The following SLC47A2 variants were observed in gnomAD, a reference collection of about 807,000 sequenced individuals.
SLC47A2 encodes multidrug and toxin extrusion protein 2.
Under a neutral mutation model 67.7 loss-of-function variants are expected in SLC47A2, and 52 were observed. The observed-to-expected ratio is 0.77, with a 90% CI of 0.61 to 0.97. SLC47A2 has a LOEUF of 0.97. SLC47A2 is among the 50% of genes least tolerant of loss of function. SLC47A2 has a pLI of 0.00. For synonymous variants in SLC47A2, 278 were observed against 292.9 expected, an observed-to-expected ratio of 0.95 and a Z score of 0.52; for missense variants, 676 against 712.3, an observed-to-expected ratio of 0.95 and a Z score of 0.58.
Position 19,708,720 on chromosome 17 carries a change from T to C in SLC47A2, c.527A>G (p.Asn176Ser), listed in dbSNP as rs764466060. 1.9e-5 allele frequency: 31 copies of C among 1,613,850 alleles called. No individual in the cohort carries two copies. Among genetic ancestry groups the C allele is most frequent in the Non-Finnish European group, 2.5e-5 (29 of 1,180,040 alleles). Reference protein sequence around the residue: ...LYNLLAKYLQNQKITWPQVLS... With the variant: ...LYNLLAKYLQSQKITWPQVLS... ...CCACACACCAAAGACCTGTACCTGA[T>C]TTTGCAAATATTTTGCCAGCAGATT... Residue 176 changes from asparagine to serine, a missense_variant, in exon 6 of 17, where the codon AAT becomes AGT. Physicochemically the swap from Asn to Ser is conservative, Grantham distance 46 (BLOSUM62 1). Transcript: ENST00000433844.
chr17:19,711,588 C>CAAAAAAAAAAAAAAAAAAAA (rs35308426), intron 5 of SLC47A2, among the ~76,000 whole-genome samples: 5 of 33,006 alleles, frequency 1.5e-4, no homozygotes, highest in Non-Finnish European at 1.8e-4. Flanking sequence ...AACTCCGTCT[C>CAAAAAAAAAAAAAAAAAAAA]AAAAAAAAAA....
chr17:19,696,278 C>T (rs1278049062), intron 13 of SLC47A2, among the ~76,000 whole-genome samples: 1 of 142,114 alleles, frequency 7.0e-6, no homozygotes, highest in African/African-American at 2.6e-5. Flanking sequence ...TGGTGAAACC[C>T]CATTTCTACT....
chr17:19,679,566 C>T (rs1388229528), intron 16 of SLC47A2, among the ~76,000 whole-genome samples: 1 of 152,190 alleles, frequency 6.6e-6, no homozygotes, highest in Non-Finnish European at 1.5e-5. Flanking sequence ...GGCCTTCCGT[C>T]TTGAGCAGAG....
chr17:19,702,822 A>G (rs985269429), intron 12 of SLC47A2, 148 bp from the exon 13 acceptor site: 10 of 983,624 alleles, frequency 1.0e-5, no homozygotes, highest in Non-Finnish European at 1.5e-5. Flanking sequence ...CTGCTAGCCC[A>G]GAGTTTTCTG....
Position 19,713,872 on chromosome 17 carries a change from G to T in SLC47A2, c.396C>A (p.Asn132Lys), listed in dbSNP as rs2086172540. The change falls in exon 4 of 17, where the codon AAC becomes AAA. Residue 132 changes from asparagine to lysine, a missense_variant. Physicochemically the swap from Asn to Lys is moderately conservative, Grantham distance 94. Transcript: ENST00000433844. ...GGAAGAGCAGCAGGATGTGCTGGGT[G>T]TTGAGGAAGAGCGCCCAGCAAGGGA... ...CCLPCWALFL[N>K]TQHILLLFRQ... is the part of the protein sequence containing the mutation. The T allele has an allele frequency of 6.2e-6, 10 of 1,613,638 alleles. No individual in the cohort carries two copies. Among genetic ancestry groups the T allele is most frequent in the Non-Finnish European group, 8.5e-6 (10 of 1,179,936 alleles).
At chr17:19,707,675 A>C (rs1237283356) in intron 8 of SLC47A2, 71 bp downstream of exon 8, 3 of 1,369,422 alleles carry the variant, frequency 2.2e-6, no homozygotes, top group Non-Finnish European at 3.0e-6. Flanking sequence ...CCTGCTGACC[A>C]CCCTGCCCCA....
intron 13 of SLC47A2, among the ~76,000 whole-genome samples, chr17:19,689,442 A>G (rs2085493378): frequency 6.6e-6 from 1 of 152,214 alleles, no homozygotes; most frequent in Non-Finnish European, 1.5e-5. Context: ...TATGCCTGTA[A>G]TCCTAGCACT....
In SLC47A2 at chr17:19,714,240, C is replaced by T. The variant is rs138250757; in HGVS notation, c.295-267G>A. Among the ~76,000 whole-genome samples, 298 of 152,312 alleles carry T rather than the reference C, an allele frequency of 2.0e-3. 1 individual carries two copies. The highest frequency in any genetic ancestry group is 6.7e-3 in the African/African-American group (280 of 41,566). The stretch of plus-strand genomic sequence containing the variant: ...ATGTCAGCGGCAGGTTAAGTGGAGC[C>T]AGGACAAAGCCCAGGTCCACCGTGA... On this transcript the variant is annotated intron_variant, in intron 3 of 16. Coordinates refer to ENST00000433844, the MANE Select transcript of SLC47A2 (RefSeq NM_001099646.3).
chr17:19,702,872 C>T (rs552575570), intron 12 of SLC47A2, among the ~76,000 whole-genome samples, 198 bp from the exon 13 acceptor site: 25 of 152,318 alleles, frequency 1.6e-4, no homozygotes, highest in Admixed American at 9.8e-4. Flanking sequence ...AGAGCCCCCA[C>T]AATTTTGGAC....
At chr17:19,690,050 A>C (rs1461616006) in intron 13 of SLC47A2, among the ~76,000 whole-genome samples, 1 of 152,222 alleles carries the variant, frequency 6.6e-6, no homozygotes, top group Non-Finnish European at 1.5e-5. Context: ...CCAAAACAGC[A>C]TAGTACTGGC....
intron 13 of SLC47A2, among the ~76,000 whole-genome samples, chr17:19,696,338 T>A (rs1328174610): frequency 6.7e-6 from 1 of 150,056 alleles, no homozygotes; most frequent in African/African-American, 2.5e-5. Flanking sequence ...GGTGCGCACC[T>A]GTAGTCCCAG....
rs2085415332 is a variant in SLC47A2, at chr17:19,685,767, C to T, written c.1165-4097G>A. Among the ~76,000 whole-genome samples the T allele has an allele frequency of 6.6e-6, 1 of 152,044 alleles. No homozygotes were observed. Among genetic ancestry groups the T allele is most frequent in the African/African-American group, 2.4e-5 (1 of 41,396 alleles). ...TTATCCTATGACCCTGCCACATCCC[C>T]CTCTCTGAGAAACACCCAAAAATGA... On this transcript the variant is annotated intron_variant, in intron 13 of 16. Transcript: ENST00000433844. The surrounding 1 kb of genome is among the most constrained non-coding windows in gnomAD (Gnocchi z 4.5).
chr17:19,687,611 A>G (rs1412939279), intron 13 of SLC47A2, among the ~76,000 whole-genome samples: 1 of 152,158 alleles, frequency 6.6e-6, no homozygotes, highest in Non-Finnish European at 1.5e-5. Flanking sequence ...CTTTAGCCAG[A>G]TGAAGAAAAA....
intron 10 of SLC47A2, chr17:19,704,822 CTTTTTT>C (rs6146013): frequency 5.8e-4 from 159 of 274,040 alleles, no homozygotes; most frequent in Non-Finnish European, 7.0e-4. Flanking sequence ...ATGGAATGTG[CTTTTTT>C]TTTTTTTTTT....
At chr17:19,683,224 C>T (rs1028746942) in intron 13 of SLC47A2, among the ~76,000 whole-genome samples, 1 of 152,144 alleles carries the variant, frequency 6.6e-6, no homozygotes, top group Non-Finnish European at 1.5e-5. Context: ...GTTGTGACAA[C>T]TGTGGGGGTG....
At position 19,708,076 on chromosome 17, in the gene SLC47A2, C is replaced by A. The variant is rs2085993048; in HGVS notation, c.629+226G>T. On this transcript the variant is annotated intron_variant, in intron 7 of 16. Coordinates refer to ENST00000433844, the MANE Select transcript of SLC47A2 (RefSeq NM_001099646.3). ...GGCCACCTTGCCAGTGCCCACTTCACCTCTCCTGGTGGGCTTGGGCAGGAG... is the reference window on the plus strand; with the variant it reads ...GGCCACCTTGCCAGTGCCCACTTCAACTCTCCTGGTGGGCTTGGGCAGGAG... 1.3e-5 allele frequency among the ~76,000 whole-genome samples: 2 copies of A among 152,202 alleles called. 1 individual carries two copies. The highest frequency in any genetic ancestry group is 4.1e-4 in the South Asian group (2 of 4,836).
intron 11 of SLC47A2, among the ~76,000 whole-genome samples, 174 bp downstream of exon 11, chr17:19,703,896 T>C (rs1457839758): frequency 6.6e-6 from 1 of 152,170 alleles, no homozygotes; most frequent in Non-Finnish European, 1.5e-5. Flanking sequence ...GAGGGGCAGC[T>C]GTCAGCTTAT....
intron 13 of SLC47A2, among the ~76,000 whole-genome samples, chr17:19,700,885 G>A (rs186799402): frequency 9.9e-5 from 15 of 152,052 alleles, no homozygotes; most frequent in African/African-American, 3.6e-4. Flanking sequence ...CAGTATCCAG[G>A]CCAGGTGCGG....
Position 19,685,126 on chromosome 17 carries a change from G to A in SLC47A2, c.1165-3456C>T, listed in dbSNP as rs76640538. On this transcript the variant is annotated intron_variant, in intron 13 of 16. Transcript: ENST00000433844. The surrounding 1 kb of genome is among the most constrained non-coding windows in gnomAD (Gnocchi z 4.5). Reference sequence around the variant, plus strand: ...CTCCTGAGGTGCTGGGATTGCAGACGGAGTCTCGCTCACTCAATGCTCAAT... The same window carrying A: ...CTCCTGAGGTGCTGGGATTGCAGACAGAGTCTCGCTCACTCAATGCTCAAT... Among the ~76,000 whole-genome samples, 3 of 152,150 alleles carry A rather than the reference G, an allele frequency of 2.0e-5. No individual in the cohort carries two copies. The highest frequency in any genetic ancestry group is 6.5e-5 in the Admixed American group (1 of 15,274).
Sources: allele counts gnomAD v4.1 joint callset (sites outside exome capture counted in the v4.1 genomes callset), GRCh38; gene constraint gnomAD v4.1.1; non-coding constraint Gnocchi (gnomAD v3.1); transcripts MANE v1.5; gene names NCBI Gene and HGNC (gene_info 2026-07-23, HGNC 2026-07-21).